Variants in SACS observed in about 807,000 individuals in gnomAD.
SACS encodes the protein sacsin molecular chaperone.
Under a neutral mutation model 348.0 loss-of-function variants are expected in SACS, and 197 were observed. The ratio of observed to expected loss-of-function variants is 0.57; its 90% CI spans 0.50 to 0.64. The LOEUF is 0.64. Among genes scored for constraint, SACS ranks in the 30% least tolerant of loss-of-function variants. The probability of loss-of-function intolerance (pLI) is 0.00; values close to 1 mark genes in which losing one functional copy is unlikely to be tolerated. For missense variants in SACS, 4,999 were observed against 5,360.8 expected (o/e 0.93, Z 2.11); for synonymous variants, 1,985 against 1,910.6 (o/e 1.04, Z -1.02).
intron 2 of SACS, chr13:23,375,656 C>A: frequency 1.4e-6 from 1 of 730,648 alleles, no homozygotes; most frequent in Non-Finnish European, 1.7e-6. Context: ...GCCCCTCCCG[C>A]CAGGCCCCGC....
intron 2 of SACS, among the ~76,000 whole-genome samples, chr13:23,385,959 G>C (rs777788825): frequency 1.3e-5 from 2 of 152,168 alleles, no homozygotes; most frequent in Non-Finnish European, 2.9e-5. Flanking sequence ...CTTTCTTTCT[G>C]AACAGTTGGT....
chr13:23,331,271 G>A lies in SACS; in HGVS notation c.12605C>T (p.Thr4202Ile). 6.2e-7 allele frequency: 1 copy of A among 1,613,966 alleles called. No homozygotes were observed. The highest frequency in any genetic ancestry group is 1.1e-5 in the South Asian group (1 of 91,076). Residue 4202 changes from threonine to isoleucine, a missense_variant, in exon 10 of 10, where the codon ACA becomes ATA. By Grantham distance (89) the Thr-to-Ile change is moderately conservative. This residue lies in a region of SACS where 831 missense variants were observed against 941.8 expected (regional missense o/e 0.88). Coordinates refer to ENST00000382292, the MANE Select transcript of SACS (RefSeq NM_014363.6). ...AACTTCTTGTACAATAATTGCATAT[G>A]TGTATGTTGGCTGGTATGATCCATA... is the stretch of plus-strand genomic sequence containing the variant. Reference protein sequence around the residue: ...DIYGSYQPTYTYAIIVQEVER... With the variant: ...DIYGSYQPTYIYAIIVQEVER...
intron 2 of SACS, among the ~76,000 whole-genome samples, chr13:23,389,180 A>G (rs997619176): frequency 6.7e-6 from 1 of 150,088 alleles, no homozygotes; most frequent in Non-Finnish European, 1.5e-5. Flanking sequence ...GTATATATAT[A>G]TGTGTGTATG....
At chr13:23,429,290 C>T (rs1057384428) in intron 1 of SACS, among the ~76,000 whole-genome samples, 6 of 145,798 alleles carry the variant, frequency 4.1e-5, no homozygotes, top group African/African-American at 1.5e-4. Context: ...GAGGATTGAC[C>T]ATGTACAACC....
Position 23,335,299 on chromosome 13 carries a change from G to A in SACS, c.8577C>T (p.His2859=), listed in dbSNP as rs140016265. 8.7e-5 allele frequency: 140 copies of A among 1,613,818 alleles called. 1 individual carries two copies. The highest frequency in any genetic ancestry group is 7.9e-5 in the Non-Finnish European group (93 of 1,179,888). ...AGGCCCTATGGGGTTTTTTATAGTT[G>A]TGAGTAATGCAGGCAGCTACTCCAC... ...PRGGVAACIT[H]NYKKPHRAFC... The change falls in exon 10 of 10, where the codon CAC becomes CAT. Residue 2859 remains histidine (H), a synonymous_variant. Coordinates refer to ENST00000382292, the MANE Select transcript of SACS (RefSeq NM_014363.6). The surrounding 1 kb of genome is among the most constrained non-coding windows in gnomAD (Gnocchi z 4.7).
chr13:23,367,489 T>G (rs941907872), intron 5 of SACS, among the ~76,000 whole-genome samples: 6 of 152,242 alleles, frequency 3.9e-5, no homozygotes, highest in Admixed American at 3.9e-4. Context: ...CTGGTCTACT[T>G]TGACAATTAA....
chr13:23,355,735 G>A lies in SACS; in HGVS notation c.877C>T (p.Leu293Phe). 1 of 1,614,182 alleles carries A rather than the reference G, an allele frequency of 6.2e-7. No homozygotes were observed. Among genetic ancestry groups the A allele is most frequent in the Admixed American group, 1.7e-5 (1 of 60,016 alleles). The stretch of plus-strand genomic sequence containing the variant: ...GCCCTAAAAGACTCAAACAACTCAA[G>A]AACCTTCTGCTTATTGTAGAGGTTA... ...SSNLYNKQKV[L>F]ELFESFRADA... Residue 293 changes from leucine (L) to phenylalanine (F), a missense_variant, in exon 8 of 10, where the codon CTT becomes TTT. Physicochemically the swap from Leu to Phe is conservative, Grantham distance 22. This residue lies in a region of SACS where 3,156 missense variants were observed against 3,380.1 expected (regional missense o/e 0.93). Coordinates refer to ENST00000382292, the MANE Select transcript of SACS (RefSeq NM_014363.6).
At chr13:23,417,224 T>A (rs1398142395) in intron 1 of SACS, among the ~76,000 whole-genome samples, 1 of 152,208 alleles carries the variant, frequency 6.6e-6, no homozygotes, top group Non-Finnish European at 1.5e-5. Context: ...GTTATGTACA[T>A]GATGAACCAG....
chr13:23,371,364 G>T (rs1486921341), intron 3 of SACS, among the ~76,000 whole-genome samples, 199 bp from the exon 4 acceptor site: 2 of 152,148 alleles, frequency 1.3e-5, no homozygotes, highest in Non-Finnish European at 2.9e-5. Context: ...GGGACTAAAA[G>T]ATTTTTCGTT....
chr13:23,410,991 G>C (rs567584086), intron 2 of SACS, among the ~76,000 whole-genome samples: 2 of 152,134 alleles, frequency 1.3e-5, no homozygotes, highest in African/African-American at 4.8e-5. Flanking sequence ...AGCCTCACCA[G>C]TATAAACAAA....
At position 23,334,113 on chromosome 13, in the gene SACS, C is replaced by T; in HGVS notation, c.9763G>A (p.Val3255Ile). 2 of 1,613,808 alleles carry T rather than the reference C, an allele frequency of 1.2e-6. No individual in the cohort carries two copies. The highest frequency in any genetic ancestry group is 1.7e-6 in the Non-Finnish European group (2 of 1,179,792). The change falls in exon 10 of 10, where the codon GTA (valine) becomes ATA (isoleucine). Residue 3255 changes from valine to isoleucine, a missense_variant. By Grantham distance (29) the Val-to-Ile change is conservative (BLOSUM62 3). This residue lies in a region of SACS where 734 missense variants were observed against 694.0 expected (regional missense o/e 1.06). Transcript: ENST00000382292. ...KNAWHFISES[V>I]SVKEDQEETK... ...TCTTCCTGATCTTCTTTCACACTTA[C>T]AGATTCACTAATAAAATGCCATGCA...
chr13:23,335,960 A>G lies in SACS; in HGVS notation c.7916T>C (p.Ile2639Thr), dbSNP rs202144442. 8.1e-6 allele frequency: 13 copies of G among 1,612,570 alleles called. No homozygotes were observed. The highest frequency in any genetic ancestry group is 1.3e-5 in the African/African-American group (1 of 74,896). Reference sequence around the variant, plus strand: ...AATACACAGGATGTCATTGCCAGAAATAAAAGATGGGCAGTCTGTGATATG... The same window carrying G: ...AATACACAGGATGTCATTGCCAGAAGTAAAAGATGGGCAGTCTGTGATATG... The part of the protein sequence containing the change: ...VYHITDCPSF[I>T]SGNDILCIFD... The change falls in exon 10 of 10, where the codon ATT (isoleucine) becomes ACT (threonine). Residue 2639 changes from isoleucine to threonine, a missense_variant. Transcript: ENST00000382292. This position sits in a 1 kb window ranked among gnomAD's most constrained non-coding sequence, Gnocchi z 4.7.
chr13:23,432,151 G>C (rs1241103280), intron 1 of SACS, among the ~76,000 whole-genome samples: 1 of 152,186 alleles, frequency 6.6e-6, no homozygotes, highest in Non-Finnish European at 1.5e-5. Flanking sequence ...CGGGGCTTCT[G>C]GGGGCAAGTC....
chr13:23,413,908 T>C (rs967543178), intron 1 of SACS, among the ~76,000 whole-genome samples: 2 of 152,192 alleles, frequency 1.3e-5, no homozygotes, highest in African/African-American at 4.8e-5. Flanking sequence ...ACCTTTTGTA[T>C]GATAATAGAC....
At position 23,337,283 on chromosome 13, in the gene SACS, A is replaced by G. The variant is rs754906806; in HGVS notation, c.6593T>C (p.Ile2198Thr). 145 of 1,613,648 alleles carry G rather than the reference A, an allele frequency of 9.0e-5. No individual in the cohort carries two copies. The highest frequency in any genetic ancestry group is 1.2e-4 in the Non-Finnish European group (137 of 1,179,858). Residue 2198 changes from isoleucine to threonine, a missense_variant, in exon 10 of 10, where the codon ATA (isoleucine) becomes ACA (threonine). Physicochemically the swap from Ile to Thr is moderately conservative, Grantham distance 89. This residue lies in a region of SACS where 3,156 missense variants were observed against 3,380.1 expected (regional missense o/e 0.93). Coordinates refer to ENST00000382292, the MANE Select transcript of SACS (RefSeq NM_014363.6). ...LLSLIDEKLK[I>T]RDPRAKDFAA... ...AAAATCCTTTGCTCTAGGATCCCTT[A>G]TTTTTAGTTTCTCATCGATAAGACT...
chr13:23,354,296 CA>C (rs1870170970), intron 8 of SACS, among the ~76,000 whole-genome samples: 1 of 152,150 alleles, frequency 6.6e-6, no homozygotes, highest in African/African-American at 2.4e-5. Context: ...CCAAGAAAAA[CA>C]GCTGCTTAGA....
intron 1 of SACS, among the ~76,000 whole-genome samples, chr13:23,431,034 A>G (rs1329179847): frequency 6.6e-6 from 1 of 152,216 alleles, no homozygotes; most frequent in Non-Finnish European, 1.5e-5. Flanking sequence ...TTTTACTAAT[A>G]AGAAATACTT....
intron 7 of SACS, among the ~76,000 whole-genome samples, chr13:23,356,717 A>C (rs991163843): frequency 6.6e-6 from 1 of 152,216 alleles, no homozygotes; most frequent in African/African-American, 2.4e-5. Context: ...ATTCCTCCCC[A>C]GTGTGCTTTG....
At chr13:23,387,317 C>T (rs978332499) in intron 2 of SACS, among the ~76,000 whole-genome samples, 1 of 152,030 alleles carries the variant, frequency 6.6e-6, no homozygotes, top group Non-Finnish European at 1.5e-5. Flanking sequence ...AAAAAATTAG[C>T]CGGGCATGGC....
Sources: gnomAD v4.1 joint callset for allele counts (sites outside exome capture counted in the v4.1 genomes callset) on GRCh38, gnomAD v4.1.1 for gene constraint, gnomAD v4.1.1 regional missense constraint, Gnocchi (gnomAD v3.1) non-coding constraint, MANE v1.5 for transcripts, NCBI Gene and HGNC (gene_info 2026-07-23, HGNC 2026-07-21) for gene names.